LRP6: variants seen among roughly 807,000 people sequenced by gnomAD.
The protein encoded by LRP6 is low-density lipoprotein receptor-related protein 6.
A neutral mutation model predicts 184.1 loss-of-function variants in LRP6; 43 were observed. The observed-to-expected ratio is 0.23, with a 90% CI of 0.18 to 0.30. LRP6 has a LOEUF of 0.30. LRP6 is among the 10% of genes least tolerant of loss of function. LRP6 has a pLI of 1.00. For synonymous variants in LRP6, 719 were observed against 684.9 expected (o/e 1.05, Z -0.78); for missense variants, 1,571 against 2,005.3 (o/e 0.78, Z 4.14).
intron 10 of LRP6, among the ~76,000 whole-genome samples, chr12:12,161,801 T>G (rs1213593684): frequency 6.6e-6 from 1 of 152,120 alleles, no homozygotes; most frequent in African/African-American, 2.4e-5. Flanking sequence ...GCTTTTTAAA[T>G]GTAGTTTTTT....
At chr12:12,179,029 T>C (rs1213088816) in intron 7 of LRP6, among the ~76,000 whole-genome samples, 3 of 152,168 alleles carry the variant, frequency 2.0e-5, no homozygotes, top group Non-Finnish European at 2.9e-5. Flanking sequence ...CAAAGGAAAA[T>C]TGAGACCTAA....
chr12:12,133,241 T>C (rs1484310584), intron 17 of LRP6, among the ~76,000 whole-genome samples: 1 of 152,318 alleles, frequency 6.6e-6, no homozygotes, highest in African/African-American at 2.4e-5. Flanking sequence ...CCGTGTGATA[T>C]AGTTTGGATA....
chr12:12,218,001 G>A (rs758601027), intron 2 of LRP6, among the ~76,000 whole-genome samples: 5 of 151,998 alleles, frequency 3.3e-5, no homozygotes, highest in Admixed American at 1.3e-4. Flanking sequence ...AAAACCACAA[G>A]CAACAAAAGA....
intron 4 of LRP6, among the ~76,000 whole-genome samples, chr12:12,184,562 G>T (rs902608812): frequency 1.3e-5 from 2 of 152,162 alleles, no homozygotes; most frequent in African/African-American, 4.8e-5. Flanking sequence ...TAGATAAGAG[G>T]ACATTTCAAG....
chr12:12,246,569 C>A (rs572019779), intron 1 of LRP6, among the ~76,000 whole-genome samples: 2 of 151,550 alleles, frequency 1.3e-5, no homozygotes, highest in Non-Finnish European at 2.9e-5. Context: ...TAGTGGTGCA[C>A]GCCTGTAGTC....
At chr12:12,192,653 C>T (rs1366126094) in intron 3 of LRP6, among the ~76,000 whole-genome samples, 2 of 151,952 alleles carry the variant, frequency 1.3e-5, no homozygotes, top group African/African-American at 2.4e-5. Context: ...ACTAGAGATA[C>T]AGTGGCAGGT....
intron 3 of LRP6, among the ~76,000 whole-genome samples, chr12:12,188,424 G>A (rs556021467): frequency 6.6e-6 from 1 of 152,084 alleles, no homozygotes; most frequent in Non-Finnish European, 1.5e-5. Context: ...ATAAGCTACT[G>A]AAGAGAAATT....
Position 12,125,449 on chromosome 12 carries a change from T to A in LRP6, c.4313-17A>T. 6.2e-7 allele frequency: 1 copy of A among 1,612,036 alleles called. No individual in the cohort carries two copies. The highest frequency in any genetic ancestry group is 1.1e-5 in the South Asian group (1 of 90,938). On this transcript the variant is annotated splice_polypyrimidine_tract_variant and intron_variant, in intron 20 of 22. Coordinates refer to ENST00000261349, the MANE Select transcript of LRP6 (RefSeq NM_002336.3). ...GAGACATTCCTAAAATAAAAGGAGG[T>A]TAAAAACTGAAGATGAGTATGATAT...
chr12:12,152,433 C>T (rs997804657), intron 12 of LRP6, among the ~76,000 whole-genome samples: 5 of 152,008 alleles, frequency 3.3e-5, no homozygotes, highest in Non-Finnish European at 5.9e-5. Flanking sequence ...ATTACAGGTG[C>T]CCACCACCAT....
At chr12:12,198,064 G>A (rs150198295) in intron 3 of LRP6, among the ~76,000 whole-genome samples, 11 of 152,240 alleles carry the variant, frequency 7.2e-5, no homozygotes, top group South Asian at 2.1e-4. Context: ...GATTACAAGC[G>A]CCCACCACCA....
chr12:12,179,405 G>GATATAGATATAGAT (rs201731579), intron 7 of LRP6, among the ~76,000 whole-genome samples: 1,891 of 140,968 alleles, frequency 0.013, 45 homozygotes, highest in African/African-American at 0.046. Flanking sequence ...TATAGATATA[G>GATATAGATATAGAT]ATATAGATAT....
chr12:12,253,913 G>A (rs1311091588), intron 1 of LRP6, among the ~76,000 whole-genome samples: 1 of 152,074 alleles, frequency 6.6e-6, no homozygotes, highest in Non-Finnish European at 1.5e-5. Context: ...GGAAGCTGAG[G>A]TGGGCATATC....
intron 1 of LRP6, among the ~76,000 whole-genome samples, chr12:12,253,553 T>C (rs919148651): frequency 6.6e-6 from 1 of 151,600 alleles, no homozygotes; most frequent in Non-Finnish European, 1.5e-5. Flanking sequence ...TAGGTGTATC[T>C]CCTAATGCTA....
At chr12:12,180,068 T>A in intron 6 of LRP6, 87 bp from the exon 7 acceptor site, 1 of 1,065,032 alleles carries the variant, frequency 9.4e-7, no homozygotes, top group Non-Finnish European at 1.4e-6. Flanking sequence ...TCCCTCCTAT[T>A]ACACTGGTAT....
At chr12:12,216,116 C>CT (rs1165516428) in intron 2 of LRP6, among the ~76,000 whole-genome samples, 4 of 152,172 alleles carry the variant, frequency 2.6e-5, no homozygotes, top group African/African-American at 9.7e-5. Flanking sequence ...TTCTATACCT[C>CT]TCCTCTGGTC....
Position 12,181,118 on chromosome 12 carries a change from T to A in LRP6, c.1298A>T (p.Asn433Ile). 3 of 1,614,122 alleles carry A rather than the reference T, an allele frequency of 1.9e-6. No homozygotes were observed. Among genetic ancestry groups the A allele is most frequent in the Non-Finnish European group, 2.5e-6 (3 of 1,179,982 alleles). The change falls in exon 6 of 23, where the codon AAT (asparagine) becomes ATT (isoleucine). Residue 433 changes from asparagine to isoleucine, a missense_variant. By Grantham distance (149) the Asn-to-Ile change is moderately radical. This residue lies in a region of LRP6 where 640 missense variants were observed against 851.9 expected (regional missense o/e 0.75). Coordinates refer to ENST00000261349, the MANE Select transcript of LRP6 (RefSeq NM_002336.3). Reference sequence around the variant, plus strand: ...AATCAAGATCTTCCTCATGGTCCCATTGAGCCTTGTCACTTCTATTCGATC... The same window carrying A: ...AATCAAGATCTTCCTCATGGTCCCAATGAGCCTTGTCACTTCTATTCGATC... ...GTDRIEVTRL[N>I]GTMRKILISE... is the part of the protein sequence containing the mutation.
chr12:12,243,272 C>T (rs1865108229), intron 2 of LRP6, among the ~76,000 whole-genome samples: 1 of 152,158 alleles, frequency 6.6e-6, no homozygotes, highest in South Asian at 2.1e-4. Flanking sequence ...TTACTCAGAG[C>T]TTTAAGTTTT....
At chr12:12,186,535 C>T (rs1399287837) in intron 4 of LRP6, among the ~76,000 whole-genome samples, 2 of 151,674 alleles carry the variant, frequency 1.3e-5, no homozygotes, top group African/African-American at 4.9e-5. Context: ...CACACTACCA[C>T]ACCCCATTAA....
intron 15 of LRP6, among the ~76,000 whole-genome samples, chr12:12,145,624 C>CTTTTTTTTTTTTTTTTTTT (rs1157764946): frequency 5.0e-5 from 4 of 80,310 alleles, no homozygotes; most frequent in African/African-American, 1.5e-4. Flanking sequence ...TTTTCTTTTT[C>CTTTTTTTTTTTTTTTTTTT]TTTTTTTTTT....
Sources: gnomAD v4.1 joint callset for allele counts (sites outside exome capture counted in the v4.1 genomes callset) on GRCh38, gnomAD v4.1.1 for gene constraint, gnomAD v4.1.1 regional missense constraint, MANE v1.5 for transcripts, NCBI Gene and HGNC (gene_info 2026-07-23, HGNC 2026-07-21) for gene names.